MYCN: variants seen among roughly 807,000 people sequenced by gnomAD.
MYCN encodes the protein MYCN proto-oncogene, bHLH transcription factor.
In MYCN, 3 loss-of-function variants were observed where a neutral mutation model predicts 28.1. That is an observed-to-expected ratio of 0.11 (90% CI 0.05 to 0.28). MYCN has a LOEUF of 0.28. Among genes scored for constraint, MYCN ranks in the 10% least tolerant of loss-of-function variants. The pLI is 1.00. For missense variants in MYCN, 572 were observed against 651.4 expected (o/e 0.88, Z 1.33); for synonymous variants, 326 against 288.3 (o/e 1.13, Z -1.32).
chr2:15,942,048 G>A lies in MYCN; in HGVS notation c.-17G>A, dbSNP rs41264197. On this transcript the variant is annotated 5_prime_UTR_variant, in exon 2 of 3. Coordinates refer to ENST00000281043, the MANE Select transcript of MYCN (RefSeq NM_005378.6). This position sits in a 1 kb window ranked among gnomAD's most constrained non-coding sequence, Gnocchi z 7.0. ...GGGCGGAAAGAAGCCCTCAGTCGCCGGCCGGGAGGCGAGCCGATGCCGAGC... is the reference window on the plus strand; with the variant it reads ...GGGCGGAAAGAAGCCCTCAGTCGCCAGCCGGGAGGCGAGCCGATGCCGAGC... 4 of 1,613,098 alleles carry A rather than the reference G, an allele frequency of 2.5e-6. No homozygotes were observed. Among genetic ancestry groups the A allele is most frequent in the Non-Finnish European group, 2.5e-6 (3 of 1,179,954 alleles).
rs1382092418 is a variant in MYCN, at chr2:15,942,876, G to A, written c.790+22G>A. ...TCAGGTAAAGACCGAACTCGGGTCC[G>A]GCTGCCTCCCTGGGGCACTGGACCC... On this transcript the variant is annotated intron_variant, in intron 2 of 2. Transcript: ENST00000281043. The surrounding 1 kb of genome is among the most constrained non-coding windows in gnomAD (Gnocchi z 7.0). 1 of 1,571,470 alleles carries A rather than the reference G, an allele frequency of 6.4e-7. No homozygotes were observed. Among genetic ancestry groups the A allele is most frequent in the Non-Finnish European group, 8.6e-7 (1 of 1,164,726 alleles).
intron 2 of MYCN, among the ~76,000 whole-genome samples, chr2:15,944,724 A>G (rs1572220117): frequency 6.6e-6 from 1 of 152,184 alleles, no homozygotes; most frequent in Admixed American, 6.5e-5. Flanking sequence ...GCTCAGCTCT[A>G]TGCTAAGTCT....
chr2:15,944,695 C>T (rs1172112556), intron 2 of MYCN, among the ~76,000 whole-genome samples: 1 of 152,192 alleles, frequency 6.6e-6, no homozygotes, highest in Non-Finnish European at 1.5e-5. Flanking sequence ...CTACCATTTA[C>T]TGAGCATCTG....
Position 15,941,928 on chromosome 2 carries a change from G to C in MYCN, c.-117-20G>C. On this transcript the variant is annotated intron_variant, in intron 1 of 2. Transcript: ENST00000281043. The surrounding 1 kb of genome is among the most constrained non-coding windows in gnomAD (Gnocchi z 4.8). ...TCTGCCCCGTTTGCCCACCCTCTCC[G>C]GTGTGTCTGTCGGTTGCAGTGTTGG... is the stretch of plus-strand genomic sequence containing the variant. The C allele has an allele frequency of 4.6e-6, 5 of 1,098,658 alleles. No homozygotes were observed. Among genetic ancestry groups the C allele is most frequent in the Non-Finnish European group, 6.6e-6 (5 of 755,834 alleles). 68.1% of individuals were successfully genotyped at this position (1,098,658 alleles called of 1,614,324 possible). A position where few individuals can be genotyped will look rare whatever the true frequency, so the allele number is the denominator to read the frequency against.
Position 15,946,630 on chromosome 2 carries a change from G to A in MYCN, c.*533G>A. The A allele has an allele frequency of 3.7e-6, 1 of 272,126 alleles. No homozygotes were observed. The highest frequency in any genetic ancestry group is 5.1e-5 in the East Asian group (1 of 19,486). The allele number at this position is 272,126 out of a possible 1,614,324, so 16.9% of individuals were successfully genotyped here. ...CCTCAATGTTTGAGGAGCATGTTTT[G>A]TATACAAATATATTGTTAATCTCTG... On this transcript the variant is annotated 3_prime_UTR_variant, in exon 3 of 3. Transcript: ENST00000281043.
In MYCN at chr2:15,945,579, G is replaced by T. The variant is rs1253768081; in HGVS notation, c.877G>T (p.Ala293Ser). Residue 293 changes from alanine (A) to serine (S), a missense_variant, in exon 3 of 3, where the codon GCT becomes TCT. Ala to Ser is a moderately conservative substitution (Grantham distance 99). Transcript: ENST00000281043. This position sits in a 1 kb window ranked among gnomAD's most constrained non-coding sequence, Gnocchi z 4.8. ...EKRRSSSNTK[A>S]VTTFTITVRP... ...GCGGCGTTCCTCCTCCAACACCAAG[G>T]CTGTCACCACATTCACCATCACTGT... 1 of 1,613,964 alleles carries T rather than the reference G, an allele frequency of 6.2e-7. No homozygotes were observed. The highest frequency in any genetic ancestry group is 8.5e-7 in the Non-Finnish European group (1 of 1,180,020).
intron 2 of MYCN, among the ~76,000 whole-genome samples, chr2:15,943,577 G>C (rs1662778646): frequency 6.6e-6 from 1 of 152,106 alleles, no homozygotes; most frequent in Non-Finnish European, 1.5e-5. Context: ...CCATTCAGCA[G>C]CTGGCTGCAA....
In MYCN at chr2:15,942,599, C is replaced by G. The variant is rs1662728035; in HGVS notation, c.535C>G (p.Leu179Val). 7 of 1,081,000 alleles carry G rather than the reference C, an allele frequency of 6.5e-6. No homozygotes were observed. Among genetic ancestry groups the G allele is most frequent in the African/African-American group, 3.4e-5 (2 of 59,352 alleles). The allele number at this position is 1,081,000 out of a possible 1,614,324, so 67.0% of individuals were successfully genotyped here. A position where few individuals can be genotyped will look rare whatever the true frequency, so the allele number is the denominator to read the frequency against. ...CGCCGGGGCCGCCCTGCCCGCCGAGCTCGCCCACCCGGCCGCCGAGTGCGT... is the reference window on the plus strand; with the variant it reads ...CGCCGGGGCCGCCCTGCCCGCCGAGGTCGCCCACCCGGCCGCCGAGTGCGT... ...GRAGAALPAE[L>V]AHPAAECVDP... The change falls in exon 2 of 3, where the codon CTC becomes GTC. Residue 179 changes from leucine (L) to valine (V), a missense_variant. By Grantham distance (32) the Leu-to-Val change is conservative (BLOSUM62 1). Coordinates refer to ENST00000281043, the MANE Select transcript of MYCN (RefSeq NM_005378.6). This position sits in a 1 kb window ranked among gnomAD's most constrained non-coding sequence, Gnocchi z 7.0.
At chr2:15,940,830 G>A (rs988407925) in intron 1 of MYCN, 87 bp downstream of exon 1, 1 of 398,140 alleles carries the variant, frequency 2.5e-6, no homozygotes, top group African/African-American at 2.1e-5. Context: ...ATTGCGACGT[G>A]CGCACCGGGC....
chr2:15,943,797 A>G (rs553427527), intron 2 of MYCN, among the ~76,000 whole-genome samples: 2 of 152,240 alleles, frequency 1.3e-5, no homozygotes, highest in Admixed American at 6.5e-5. Context: ...GATTAGTTCT[A>G]TTGTGTTCAT....
In MYCN at chr2:15,942,958, G is replaced by A; in HGVS notation, c.790+104G>A. ...GTCTTGGCCTGGGGAGCATTTTGGA[G>A]GCAGTGCTAGGGGCAGAGAGGTCCT... On this transcript the variant is annotated intron_variant, in intron 2 of 2. Coordinates refer to ENST00000281043, the MANE Select transcript of MYCN (RefSeq NM_005378.6). The surrounding 1 kb of genome is among the most constrained non-coding windows in gnomAD (Gnocchi z 7.0). 7.2e-7 allele frequency: 1 copy of A among 1,397,964 alleles called. No individual in the cohort carries two copies. The highest frequency in any genetic ancestry group is 9.6e-7 in the Non-Finnish European group (1 of 1,044,576). 86.6% of individuals were successfully genotyped at this position (1,397,964 alleles called of 1,614,324 possible).
At position 15,942,174 on chromosome 2, in the gene MYCN, T is replaced by C; in HGVS notation, c.110T>C (p.Phe37Ser). ...CFYPDEDDFY[F>S]GGPDSTPPGE... ...TACCCGGACGAAGATGACTTCTACT[T>C]CGGCGGCCCCGACTCGACCCCCCCG... is the stretch of plus-strand genomic sequence containing the variant. The change falls in exon 2 of 3, where the codon TTC (phenylalanine) becomes TCC (serine). Residue 37 changes from phenylalanine (F) to serine (S), a missense_variant. By Grantham distance (155) the Phe-to-Ser change is radical. Transcript: ENST00000281043. This position sits in a 1 kb window ranked among gnomAD's most constrained non-coding sequence, Gnocchi z 7.0. 1.2e-6 allele frequency: 2 copies of C among 1,613,788 alleles called. No homozygotes were observed. The highest frequency in any genetic ancestry group is 1.7e-6 in the Non-Finnish European group (2 of 1,180,000).
chr2:15,942,673 G>A lies in MYCN; in HGVS notation c.609G>A (p.Ala203=). The A allele has an allele frequency of 1.7e-6, 2 of 1,172,728 alleles. No individual in the cohort carries two copies. Among genetic ancestry groups the A allele is most frequent in the Admixed American group, 3.8e-5 (1 of 26,642 alleles). 72.6% of individuals were successfully genotyped at this position (1,172,728 alleles called of 1,614,324 possible). A position where few individuals can be genotyped will look rare whatever the true frequency, so the allele number is the denominator to read the frequency against. ...TTCCCGTGAACAAGCGCGAGCCAGC[G>A]CCCGTGCCCGCAGCCCCGGCCAGTG... ...FPFPVNKREP[A]PVPAAPASAP... The change falls in exon 2 of 3, where the codon GCG becomes GCA. Residue 203 remains alanine, a synonymous_variant. Coordinates refer to ENST00000281043, the MANE Select transcript of MYCN (RefSeq NM_005378.6). The surrounding 1 kb of genome is among the most constrained non-coding windows in gnomAD (Gnocchi z 7.0).
At position 15,945,715 on chromosome 2, in the gene MYCN, A is replaced by T. The variant is rs1269408510; in HGVS notation, c.1013A>T (p.Tyr338Phe). The change falls in exon 3 of 3, where the codon TAC (tyrosine) becomes TTC (phenylalanine). Residue 338 changes from tyrosine to phenylalanine, a missense_variant. Coordinates refer to ENST00000281043, the MANE Select transcript of MYCN (RefSeq NM_005378.6). The surrounding 1 kb of genome is among the most constrained non-coding windows in gnomAD (Gnocchi z 4.8). Reference sequence around the variant, plus strand: ...CACAACTATGCCGCCCCCTCTCCCTACGTGGAGAGTGAGGATGCACCCCCA... The same window carrying T: ...CACAACTATGCCGCCCCCTCTCCCTTCGTGGAGAGTGAGGATGCACCCCCA... ...QQHNYAAPSP[Y>F]VESEDAPPQK... 6.2e-7 allele frequency: 1 copy of T among 1,613,998 alleles called. No individual in the cohort carries two copies. The highest frequency in any genetic ancestry group is 2.2e-5 in the East Asian group (1 of 44,870).
chr2:15,940,853 C>T (rs912993017), intron 1 of MYCN, 110 bp downstream of exon 1: 18 of 398,020 alleles, frequency 4.5e-5, no homozygotes, highest in Non-Finnish European at 1.8e-5. Flanking sequence ...CCTAATATGC[C>T]CGGGGGACTG....
Position 15,942,897 on chromosome 2 carries a change from G to T in MYCN, c.790+43G>T. The T allele has an allele frequency of 6.4e-7, 1 of 1,551,540 alleles. No individual in the cohort carries two copies. The highest frequency in any genetic ancestry group is 1.2e-5 in the South Asian group (1 of 86,032). ...GTCCGGCTGCCTCCCTGGGGCACTG[G>T]ACCCCGGGTCGCGTCCCCTTTGTTA... On this transcript the variant is annotated intron_variant, in intron 2 of 2. Coordinates refer to ENST00000281043, the MANE Select transcript of MYCN (RefSeq NM_005378.6). This position sits in a 1 kb window ranked among gnomAD's most constrained non-coding sequence, Gnocchi z 7.0.
In MYCN at chr2:15,946,819, C is replaced by T; in HGVS notation, c.*722C>T. 1 of 220,228 alleles carries T rather than the reference C, an allele frequency of 4.5e-6. No individual in the cohort carries two copies. The highest frequency in any genetic ancestry group is 6.8e-5 in the East Asian group (1 of 14,792). 13.6% of individuals were successfully genotyped at this position (220,228 alleles called of 1,614,324 possible). A position where few individuals can be genotyped will look rare whatever the true frequency, so the allele number is the denominator to read the frequency against. On this transcript the variant is annotated 3_prime_UTR_variant, in exon 3 of 3. Coordinates refer to ENST00000281043, the MANE Select transcript of MYCN (RefSeq NM_005378.6). Reference sequence around the variant, plus strand: ...TAAGAAACTTTTGTAAAGAAATTTACTATATATATATGCCTTTTTCCTAGC... The same window carrying T: ...TAAGAAACTTTTGTAAAGAAATTTATTATATATATATGCCTTTTTCCTAGC...
chr2:15,942,170 T>C lies in MYCN; in HGVS notation c.106T>C (p.Tyr36His), dbSNP rs2103323641. 6.2e-7 allele frequency: 1 copy of C among 1,613,852 alleles called. No homozygotes were observed. The highest frequency in any genetic ancestry group is 8.5e-7 in the Non-Finnish European group (1 of 1,180,018). ...CTTCTACCCGGACGAAGATGACTTCTACTTCGGCGGCCCCGACTCGACCCC... is the reference window on the plus strand; with the variant it reads ...CTTCTACCCGGACGAAGATGACTTCCACTTCGGCGGCCCCGACTCGACCCC... Reference protein sequence around the residue: ...PCFYPDEDDFYFGGPDSTPPG... With the variant: ...PCFYPDEDDFHFGGPDSTPPG... The change falls in exon 2 of 3, where the codon TAC becomes CAC. Residue 36 changes from tyrosine to histidine, a missense_variant. By Grantham distance (83) the Tyr-to-His change is moderately conservative. This residue lies in a region of MYCN where 499 missense variants were observed against 524.3 expected (regional missense o/e 0.95). Transcript: ENST00000281043. This position sits in a 1 kb window ranked among gnomAD's most constrained non-coding sequence, Gnocchi z 7.0.
intron 2 of MYCN, among the ~76,000 whole-genome samples, chr2:15,944,625 T>G (rs961756465): frequency 6.6e-6 from 1 of 152,226 alleles, no homozygotes; most frequent in African/African-American, 2.4e-5. Context: ...CTCAACTCTT[T>G]AAGTGTGGAG....
Sources: gnomAD v4.1 joint callset for allele counts (sites outside exome capture counted in the v4.1 genomes callset) on GRCh38, gnomAD v4.1.1 for gene constraint, gnomAD v4.1.1 regional missense constraint, Gnocchi (gnomAD v3.1) non-coding constraint, MANE v1.5 for transcripts, NCBI Gene and HGNC (gene_info 2026-07-23, HGNC 2026-07-21) for gene names.